Variants in TECPR2 observed in about 807,000 individuals in gnomAD.
The protein encoded by TECPR2 is tectonin beta-propeller repeat-containing protein 2.
Under a neutral mutation model 138.1 loss-of-function variants are expected in TECPR2, and 65 were observed. That is an observed-to-expected ratio of 0.47 (90% confidence interval 0.39 to 0.58). The LOEUF (loss-of-function observed/expected upper bound fraction) is 0.58, where lower values mean the gene tolerates loss of function less well. Among genes scored for constraint, TECPR2 ranks in the 20% least tolerant of loss-of-function variants. The pLI, the probability that TECPR2 is intolerant of heterozygous loss-of-function variation, is 0.00. For missense variants in TECPR2, 1,553 were observed against 1,824.5 expected, an observed-to-expected ratio of 0.85 and a Z score of 2.71; for synonymous variants, 746 against 749.8, an observed-to-expected ratio of 0.99 and a Z score of 0.08.
chr14:102,390,551 G>A (rs912254976), intron 2 of TECPR2, among the ~76,000 whole-genome samples: 3 of 152,262 alleles, frequency 2.0e-5, no homozygotes, highest in Admixed American at 6.5e-5. Context: ...AAGGAAGAAA[G>A]TGGACTCTAC....
At chr14:102,492,268 G>A (rs1262291461) in intron 17 of TECPR2, among the ~76,000 whole-genome samples, 1 of 152,224 alleles carries the variant, frequency 6.6e-6, no homozygotes, top group African/African-American at 2.4e-5. Context: ...CTGCCAGGGA[G>A]TGCCAGTCCT....
Position 102,434,571 on chromosome 14 carries a change from C to A in TECPR2, c.1754C>A (p.Ala585Glu), listed in dbSNP as rs752275817. ...CATGGGCGGGAGCTGCTCAATGGAGCGAGGGAAGATGTGGGAGGCAGTGAT... is the reference window on the plus strand; with the variant it reads ...CATGGGCGGGAGCTGCTCAATGGAGAGAGGGAAGATGTGGGAGGCAGTGAT... ...HAHGRELLNG[A>E]REDVGGSDVT... Residue 585 changes from alanine to glutamate, a missense_variant, in exon 9 of 20, where the codon GCG becomes GAG. Physicochemically the swap from Ala to Glu is moderately radical, Grantham distance 107. Transcript: ENST00000359520. The A allele has an allele frequency of 2.6e-6, 4 of 1,557,264 alleles. No homozygotes were observed. Among genetic ancestry groups the A allele is most frequent in the Non-Finnish European group, 3.5e-6 (4 of 1,147,464 alleles).
intron 15 of TECPR2, 110 bp from the exon 16 acceptor site, chr14:102,452,284 T>A: frequency 9.4e-7 from 1 of 1,061,500 alleles, no homozygotes; most frequent in Non-Finnish European, 1.4e-6. Context: ...AGCTGGCATC[T>A]GTGGCCAGGT....
chr14:102,459,914 G>A (rs543840775), intron 16 of TECPR2, among the ~76,000 whole-genome samples: 1 of 152,254 alleles, frequency 6.6e-6, no homozygotes, highest in East Asian at 1.9e-4. Flanking sequence ...TGTTGACCTT[G>A]GGCAGCACTA....
intron 4 of TECPR2, among the ~76,000 whole-genome samples, chr14:102,411,734 A>AAAAAAAAAAAAAAG (rs1888876738): frequency 7.1e-6 from 1 of 141,110 alleles, no homozygotes; most frequent in Non-Finnish European, 1.5e-5. Context: ...AAAAAAAAGA[A>AAAAAAAAAAAAAAG]GATGGCTGGA....
chr14:102,414,117 T>C (rs72698602), intron 4 of TECPR2, among the ~76,000 whole-genome samples: 39,980 of 152,136 alleles, frequency 0.26, 6,119 homozygotes, highest in East Asian at 0.47. Context: ...TTGGCAAGGA[T>C]ATAATGTCCT....
chr14:102,474,589 A>C (rs1890717666), intron 17 of TECPR2, among the ~76,000 whole-genome samples: 1 of 152,144 alleles, frequency 6.6e-6, no homozygotes. Flanking sequence ...GCGCCATTGC[A>C]CTCTAGCCTG....
chr14:102,363,161 CCCGACGCCT>C (rs1386317912), intron 1 of TECPR2, 45 bp downstream of exon 1: 62 of 342,016 alleles, frequency 1.8e-4, no homozygotes, highest in African/African-American at 1.0e-3. Flanking sequence ...CCCCGACGCC[CCCGACGCCT>C]GGCCCCGAGC....
chr14:102,372,845 A>C (rs1887541536), intron 1 of TECPR2, among the ~76,000 whole-genome samples: 1 of 152,080 alleles, frequency 6.6e-6, no homozygotes, highest in African/African-American at 2.4e-5. Flanking sequence ...ACTTGAACCC[A>C]GGAGGCGGAG....
chr14:102,468,126 G>A (rs558607252), intron 17 of TECPR2, among the ~76,000 whole-genome samples: 50 of 152,102 alleles, frequency 3.3e-4, no homozygotes, highest in African/African-American at 9.6e-4. Flanking sequence ...GATTACAGGC[G>A]TGTGCCACCA....
Position 102,480,222 on chromosome 14 carries a change from T to TA in TECPR2, c.3789+14933_3789+14934insA, listed in dbSNP as rs1481883474. 4.0e-4 allele frequency among the ~76,000 whole-genome samples: 29 copies of TA among 73,144 alleles called. 1 individual carries two copies. Among genetic ancestry groups the TA allele is most frequent in the Admixed American group, 8.4e-4 (6 of 7,174 alleles). The allele number at this position is 73,144 out of a possible 152,430, so 48.0% of individuals were successfully genotyped here. A position where few individuals can be genotyped will look rare whatever the true frequency, so the allele number is the denominator to read the frequency against. On this transcript the variant is annotated intron_variant, in intron 17 of 19. Transcript: ENST00000359520. ...AGGCATCTTGGTTGGTTTTTTTTTT[T>TA]TTTTTTTTATTGATTTATTTGAGAC...
At chr14:102,401,006 C>A (rs529048755) in intron 2 of TECPR2, among the ~76,000 whole-genome samples, 1 of 152,026 alleles carries the variant, frequency 6.6e-6, no homozygotes, top group South Asian at 2.1e-4. Context: ...GCACTCCAGC[C>A]TGGGCAACAG....
intron 16 of TECPR2, among the ~76,000 whole-genome samples, chr14:102,457,616 C>T (rs34848837): frequency 0.23 from 34,861 of 151,760 alleles, 4,708 homozygotes; most frequent in Non-Finnish European, 0.31. Context: ...AGCAGTGGGC[C>T]GGGTGCAGTG....
chr14:102,374,601 T>G (rs1267425017), intron 1 of TECPR2, among the ~76,000 whole-genome samples: 3 of 152,142 alleles, frequency 2.0e-5, no homozygotes, highest in Non-Finnish European at 4.4e-5. Context: ...CTCTATTTTT[T>G]AAAATGAAAT....
intron 2 of TECPR2, among the ~76,000 whole-genome samples, chr14:102,398,781 G>A (rs968038607): frequency 2.4e-4 from 36 of 152,140 alleles, no homozygotes; most frequent in African/African-American, 8.7e-4. Flanking sequence ...CTTGAGCCTG[G>A]AAGGTCGAGG....
At chr14:102,486,270 G>GT (rs1218558174) in intron 17 of TECPR2, among the ~76,000 whole-genome samples, 1 of 152,106 alleles carries the variant, frequency 6.6e-6, no homozygotes, top group African/African-American at 2.4e-5. Flanking sequence ...GTTTCCAAAT[G>GT]TTTTTTAGCA....
At chr14:102,469,520 T>G (rs896616998) in intron 17 of TECPR2, among the ~76,000 whole-genome samples, 3 of 152,182 alleles carry the variant, frequency 2.0e-5, no homozygotes, top group Admixed American at 1.3e-4. Context: ...CCAATAGAGA[T>G]AATTTTACTT....
intron 4 of TECPR2, among the ~76,000 whole-genome samples, chr14:102,414,098 C>G (rs1888957482): frequency 6.6e-6 from 1 of 152,130 alleles, no homozygotes; most frequent in South Asian, 2.1e-4. Flanking sequence ...TTTTCTATTA[C>G]CCTTTCAGTT....
chr14:102,410,705 A>G (rs1177352971), intron 4 of TECPR2, among the ~76,000 whole-genome samples: 1 of 149,780 alleles, frequency 6.7e-6, no homozygotes, highest in Non-Finnish European at 1.5e-5. Flanking sequence ...CCCCCCCTCA[A>G]AAAAAAAAAA....
Sources: allele counts gnomAD v4.1 joint callset (sites outside exome capture counted in the v4.1 genomes callset), GRCh38; gene constraint gnomAD v4.1.1; transcripts MANE v1.5; gene names NCBI Gene and HGNC (gene_info 2026-07-23, HGNC 2026-07-21).